TATDN3: variants seen among roughly 807,000 people sequenced by gnomAD.
TATDN3 encodes deoxyribonuclease TATDN3.
In TATDN3, 29 loss-of-function variants were observed where a neutral mutation model predicts 40.1. That is an observed-to-expected ratio of 0.72 (90% confidence interval 0.54 to 0.99). The LOEUF (loss-of-function observed/expected upper bound fraction) is 0.99, where lower values mean the gene tolerates loss of function less well. Among genes scored for constraint, TATDN3 ranks in the 50% least tolerant of loss-of-function variants. The pLI is 0.00. For missense variants in TATDN3, 309 were observed against 321.9 expected (o/e 0.96, Z 0.31); for synonymous variants, 105 against 117.0 (o/e 0.90, Z 0.66).
chr1:212,803,285 T>G (rs1322704510), intron 5 of TATDN3, among the ~76,000 whole-genome samples: 1 of 151,476 alleles, frequency 6.6e-6, no homozygotes, highest in East Asian at 1.9e-4. Flanking sequence ...CAGGTTCAAG[T>G]GGTTCTCCTG....
At chr1:212,810,184 C>T (rs1220599478) in intron 8 of TATDN3, among the ~76,000 whole-genome samples, 5 of 151,700 alleles carry the variant, frequency 3.3e-5, no homozygotes, top group African/African-American at 7.3e-5. Context: ...GGCAATATGG[C>T]GAAACCCTGT....
intron 1 of TATDN3, 70 bp downstream of exon 1, chr1:212,792,057 C>T: frequency 1.3e-6 from 2 of 1,502,138 alleles, no homozygotes; most frequent in East Asian, 4.6e-5. Flanking sequence ...GTTATCTTTG[C>T]TCTCCTCCCT....
At chr1:212,814,582 A>G (rs951604905) in intron 9 of TATDN3, among the ~76,000 whole-genome samples, 1 of 152,258 alleles carries the variant, frequency 6.6e-6, no homozygotes, top group South Asian at 2.1e-4. Context: ...ATGCCAGTAC[A>G]TAATCTATTT....
intron 9 of TATDN3, among the ~76,000 whole-genome samples, chr1:212,813,350 C>A (rs1663001217): frequency 6.6e-6 from 1 of 152,116 alleles, no homozygotes; most frequent in African/African-American, 2.4e-5. Context: ...ATTACAATGA[C>A]CTCCCAATGT....
intron 8 of TATDN3, among the ~76,000 whole-genome samples, chr1:212,810,339 C>T (rs1225112340): frequency 1.3e-5 from 2 of 151,838 alleles, no homozygotes; most frequent in South Asian, 2.1e-4. Flanking sequence ...GGTGAAACCC[C>T]GTCTCTACTA....
rs746698238 is a variant in TATDN3, at chr1:212,807,726, T to G, written c.488-10T>G. 5.0e-6 allele frequency: 8 copies of G among 1,585,750 alleles called. No individual in the cohort carries two copies. In the South Asian group the frequency reaches 9.3e-5, roughly 18 times the overall value. ...AAATGGAATACTGCCTTATCTTTCA[T>G]TTTTGAAAGGTGCTGAGAAGGTACT... is the stretch of plus-strand genomic sequence containing the variant. On this transcript the variant is annotated splice_polypyrimidine_tract_variant and intron_variant, in intron 7 of 9. Transcript: ENST00000366974.
chr1:212,796,715 A>G, intron 3 of TATDN3, 125 bp downstream of exon 3: 1 of 645,534 alleles, frequency 1.5e-6, no homozygotes, highest in Non-Finnish European at 2.5e-6. Context: ...ACATAGCCCT[A>G]AAGAGATTAT....
At chr1:212,812,207 T>C in intron 8 of TATDN3, 41 bp from the exon 9 acceptor site, 1 of 1,272,796 alleles carries the variant, frequency 7.9e-7, no homozygotes. Context: ...TTATCTTTAT[T>C]TCTCATGTTT....
At chr1:212,796,623 C>A in intron 3 of TATDN3, 33 bp downstream of exon 3, 1 of 1,421,956 alleles carries the variant, frequency 7.0e-7, no homozygotes, top group Non-Finnish European at 9.6e-7. Context: ...TAAAGGGTTG[C>A]TAATAAGAAC....
chr1:212,808,158 C>T (rs1662652716), intron 8 of TATDN3, among the ~76,000 whole-genome samples: 2 of 151,806 alleles, frequency 1.3e-5, no homozygotes, highest in Admixed American at 6.6e-5. Flanking sequence ...ACTAAAAATA[C>T]AAAAATTAGC....
At chr1:212,801,483 A>C (rs1022873573) in intron 4 of TATDN3, among the ~76,000 whole-genome samples, 9 of 152,132 alleles carry the variant, frequency 5.9e-5, no homozygotes, top group Admixed American at 2.0e-4. Context: ...GTCTCACTGT[A>C]AATCTGTTTT....
intron 4 of TATDN3, among the ~76,000 whole-genome samples, chr1:212,801,295 C>G (rs536902249): frequency 6.8e-6 from 1 of 146,236 alleles, no homozygotes; most frequent in African/African-American, 2.4e-5. Context: ...AGAAATAGAC[C>G]TGTAAATAGC....
chr1:212,794,012 G>T (rs1276757919), intron 1 of TATDN3, among the ~76,000 whole-genome samples: 1 of 152,144 alleles, frequency 6.6e-6, no homozygotes, highest in Non-Finnish European at 1.5e-5. Flanking sequence ...CGGGCGCAGT[G>T]GCTCATGCCT....
rs1663109170 is a variant in TATDN3 at position 212,815,021 on chromosome 1, T to G, written c.690T>G (p.Asn230Lys). The G allele has an allele frequency of 6.2e-7, 1 of 1,612,692 alleles. No homozygotes were observed. The highest frequency in any genetic ancestry group is 1.1e-5 in the South Asian group (1 of 90,766). Reference protein sequence around the residue: ...PALGPEKQVRNEPWNISISAE... With the variant: ...PALGPEKQVRKEPWNISISAE... The stretch of plus-strand genomic sequence containing the variant: ...CTGCTGTCTTGTTTCAGGTACGGAA[T>G]GAGCCCTGGAACATTTCTATTTCAG... The change falls in exon 10 of 10, where the codon AAT becomes AAG. Residue 230 changes from asparagine to lysine, a missense_variant. Asn to Lys is a moderately conservative substitution (Grantham distance 94). Coordinates refer to ENST00000366974, the MANE Select transcript of TATDN3 (RefSeq NM_001042552.3).
chr1:212,796,382 A>G (rs1260661047), intron 2 of TATDN3, 135 bp from the exon 3 acceptor site: 9 of 585,828 alleles, frequency 1.5e-5, no homozygotes, highest in Non-Finnish European at 2.2e-5. Flanking sequence ...TAAATACTCA[A>G]TGATAGCCCT....
intron 5 of TATDN3, 114 bp downstream of exon 5, chr1:212,802,877 C>T (rs1420337819): frequency 1.6e-6 from 1 of 644,302 alleles, no homozygotes; most frequent in Non-Finnish European, 2.7e-6. Context: ...ATTATGTTCA[C>T]CCCACTTAGC....
chr1:212,802,332 A>G (rs1238278945), intron 4 of TATDN3, among the ~76,000 whole-genome samples: 1 of 152,214 alleles, frequency 6.6e-6, no homozygotes, highest in African/African-American at 2.4e-5. Flanking sequence ...CAACAATGCA[A>G]TCGCAAAGCT....
At chr1:212,806,139 T>C (rs11120030) in intron 7 of TATDN3, among the ~76,000 whole-genome samples, 27,499 of 152,160 alleles carry the variant, frequency 0.18, 2,788 homozygotes, top group African/African-American at 0.28. Flanking sequence ...TTATGCAGGC[T>C]GAGCAGCTAC....
In TATDN3 at chr1:212,812,296, A is replaced by G. The variant is rs1384898630; in HGVS notation, c.649A>G (p.Thr217Ala). Residue 217 changes from threonine to alanine, a missense_variant, in exon 9 of 10, where the codon ACA (threonine) becomes GCA (alanine). Coordinates refer to ENST00000366974, the MANE Select transcript of TATDN3 (RefSeq NM_001042552.3). ...QLPLTSICLETDSPALGPEKQ... is the reference protein window; with the variant it reads ...QLPLTSICLEADSPALGPEKQ... ...GCCTTTAACTTCTATATGCTTAGAA[A>G]CAGATTCACCTGCACTAGGACCAGA... 6.3e-7 allele frequency: 1 copy of G among 1,582,320 alleles called. No homozygotes were observed. The highest frequency in any genetic ancestry group is 1.4e-5 in the African/African-American group (1 of 73,036).
Sources: allele counts gnomAD v4.1 joint callset (sites outside exome capture counted in the v4.1 genomes callset), GRCh38; gene constraint gnomAD v4.1.1; transcripts MANE v1.5; gene names NCBI Gene and HGNC (gene_info 2026-07-23, HGNC 2026-07-21).